IL1RAPL1: variants seen among roughly 807,000 people sequenced by gnomAD.
IL1RAPL1 encodes interleukin-1 receptor accessory protein-like 1.
A neutral mutation model predicts 48.4 loss-of-function variants in IL1RAPL1; 3 were observed. That is an observed-to-expected ratio of 0.06 (90% CI 0.03 to 0.16). IL1RAPL1 has a LOEUF of 0.16. IL1RAPL1 is among the 10% of genes least tolerant of loss of function. The pLI, the probability that IL1RAPL1 is intolerant of heterozygous loss-of-function variation, is 1.00. For missense variants in IL1RAPL1, 349 were observed against 530.6 expected, an observed-to-expected ratio of 0.66 and a Z score of 3.36; for synonymous variants, 185 against 187.7, an observed-to-expected ratio of 0.99 and a Z score of 0.12.
intron 6 of IL1RAPL1, among the ~76,000 whole-genome samples, chrX:29,915,711 ATTCT>A (rs1932792382): frequency 2.0e-5 from 1 of 48,804 alleles, no homozygotes; most frequent in Non-Finnish European, 3.7e-5. Flanking sequence ...CTCTGGTAAT[ATTCT>A]TTTTTTTTTT....
intron 1 of IL1RAPL1, chrX:28,659,243 TG>T: frequency 1.4e-6 from 1 of 718,042 alleles, no homozygotes; most frequent in Non-Finnish European, 2.2e-6. Flanking sequence ...TTTAAAGTCC[TG>T]AGCAATTTCT....
intron 2 of IL1RAPL1, among the ~76,000 whole-genome samples, chrX:29,041,821 C>A (rs1926853093): frequency 8.9e-6 from 1 of 112,191 alleles, no homozygotes; most frequent in Non-Finnish European, 1.9e-5. Flanking sequence ...ATGAGCTGTT[C>A]ACTAAAGCAC....
chrX:29,449,992 T>G (rs1934660802), intron 5 of IL1RAPL1, among the ~76,000 whole-genome samples: 1 of 110,671 alleles, frequency 9.0e-6, no homozygotes, highest in African/African-American at 3.3e-5. Context: ...CTAATATTAT[T>G]TTTAGCATTA....
intron 5 of IL1RAPL1, among the ~76,000 whole-genome samples, chrX:29,573,415 C>T (rs993387855): frequency 8.9e-6 from 1 of 112,170 alleles, no homozygotes; most frequent in African/African-American, 3.2e-5. Context: ...CTTTCCCCAA[C>T]TCAAATAAGT....
chrX:29,031,973 TG>T (rs2147410036), intron 2 of IL1RAPL1, among the ~76,000 whole-genome samples: 1 of 112,168 alleles, frequency 8.9e-6, no homozygotes, highest in African/African-American at 3.2e-5. Flanking sequence ...ATATAACTTA[TG>T]GAAGTACTAC....
intron 6 of IL1RAPL1, among the ~76,000 whole-genome samples, chrX:29,843,215 A>C (rs1276560423): frequency 1.8e-5 from 2 of 112,013 alleles, no homozygotes; most frequent in Non-Finnish European, 3.8e-5. Context: ...CAACTGGTGC[A>C]ATGTACTCAA....
chrX:29,922,685 A>G (rs762438616), intron 8 of IL1RAPL1, among the ~76,000 whole-genome samples: 10 of 112,340 alleles, frequency 8.9e-5, no homozygotes, highest in African/African-American at 3.2e-4. Context: ...AGCACACAGC[A>G]TATATGAAAT....
At chrX:29,950,414 G>T (rs1206244567) in intron 9 of IL1RAPL1, among the ~76,000 whole-genome samples, 1 of 112,025 alleles carries the variant, frequency 8.9e-6, no homozygotes, top group Non-Finnish European at 1.9e-5. Context: ...ATACCTGGCA[G>T]ATAACTGCAG....
chrX:29,588,237 T>C (rs1335993383), intron 5 of IL1RAPL1, among the ~76,000 whole-genome samples: 1 of 112,456 alleles, frequency 8.9e-6, no homozygotes, highest in African/African-American at 3.2e-5. Flanking sequence ...TCAGGCATTG[T>C]ACTTTGCACT....
intron 6 of IL1RAPL1, among the ~76,000 whole-genome samples, chrX:29,869,520 G>T (rs1281130323): frequency 9.0e-6 from 1 of 111,342 alleles, no homozygotes; most frequent in African/African-American, 3.3e-5. Context: ...TTCAACAAAA[G>T]CTAAGAGTCT....
chrX:29,853,056 T>A (rs1350352878), intron 6 of IL1RAPL1, among the ~76,000 whole-genome samples: 1 of 110,465 alleles, frequency 9.1e-6, no homozygotes, highest in East Asian at 2.8e-4. Flanking sequence ...TTCATGCAGT[T>A]GAAGAGACCT....
At chrX:29,694,087 A>G (rs1926846702) in intron 6 of IL1RAPL1, among the ~76,000 whole-genome samples, 1 of 111,693 alleles carries the variant, frequency 9.0e-6, no homozygotes, top group African/African-American at 3.3e-5. Context: ...CTTTTAATAC[A>G]TATTATTGGG....
chrX:28,937,720 G>A (rs1439778215), intron 2 of IL1RAPL1, among the ~76,000 whole-genome samples: 1 of 111,597 alleles, frequency 9.0e-6, no homozygotes, highest in African/African-American at 3.3e-5. Flanking sequence ...CAAATAGGAA[G>A]AGAGGAAGTC....
chrX:29,627,811 A>G (rs1424985986), intron 5 of IL1RAPL1, among the ~76,000 whole-genome samples: 1 of 112,186 alleles, frequency 8.9e-6, no homozygotes, highest in Non-Finnish European at 1.9e-5. Flanking sequence ...CACTTAGGGG[A>G]GCAGCGTGAA....
In IL1RAPL1 at chrX:29,381,833, A is replaced by AATATATAT. The variant is rs35091339; in HGVS notation, c.363-14401_363-14394dup. ...TGTTGCCAAAAAAAAAAAAAAAAAA[A>AATATATAT]ATATATATATATATATATATATATA... On this transcript the variant is annotated intron_variant, in intron 3 of 10. Coordinates refer to ENST00000378993, the MANE Select transcript of IL1RAPL1 (RefSeq NM_014271.4). Among the ~76,000 whole-genome samples, 44 of 25,351 alleles carry AATATATAT rather than the reference A, an allele frequency of 1.7e-3. 1 individual carries two copies. Among genetic ancestry groups the AATATATAT allele is most frequent in the South Asian group, 0.015 (6 of 394 alleles). 22.0% of individuals were successfully genotyped at this position (25,351 alleles called of 115,157 possible). A position where few individuals can be genotyped will look rare whatever the true frequency, so the allele number is the denominator to read the frequency against.
intron 2 of IL1RAPL1, among the ~76,000 whole-genome samples, chrX:29,163,692 C>T (rs1929730526): frequency 9.0e-6 from 1 of 110,936 alleles, no homozygotes; most frequent in African/African-American, 3.3e-5. Context: ...CAAAGGAACA[C>T]AGGTATAATA....
intron 2 of IL1RAPL1, among the ~76,000 whole-genome samples, chrX:28,951,715 A>G (rs775957195): frequency 2.7e-4 from 30 of 111,368 alleles, no homozygotes; most frequent in African/African-American, 8.1e-4. Context: ...CTTTCTTTCT[A>G]GGACAATTGA....
chrX:29,601,508 G>T (rs1256983534), intron 5 of IL1RAPL1, among the ~76,000 whole-genome samples: 2 of 111,944 alleles, frequency 1.8e-5, no homozygotes, highest in African/African-American at 3.2e-5. Context: ...GCCATGTTGA[G>T]AATTCTATAG....
chrX:29,262,663 C>CAA (rs768734185), intron 2 of IL1RAPL1, among the ~76,000 whole-genome samples: 2 of 78,247 alleles, frequency 2.6e-5, no homozygotes, highest in African/African-American at 4.7e-5. Flanking sequence ...AACTCCATCT[C>CAA]AAAAAAAAAA....
Sources: allele counts gnomAD v4.1 joint callset (sites outside exome capture counted in the v4.1 genomes callset), GRCh38; gene constraint gnomAD v4.1.1; transcripts MANE v1.5; gene names NCBI Gene and HGNC (gene_info 2026-07-23, HGNC 2026-07-21).